COL8A1: variants seen among roughly 807,000 people sequenced by gnomAD.
COL8A1 encodes collagen type VIII alpha 1 chain.
In COL8A1, 21 loss-of-function variants were observed where a neutral mutation model predicts 42.7. The observed-to-expected ratio is 0.49, with a 90% CI of 0.35 to 0.71. The LOEUF (loss-of-function observed/expected upper bound fraction) is 0.71, where lower values mean the gene tolerates loss of function less well. Ranked by LOEUF, COL8A1 falls within the 30% of genes least tolerant of loss-of-function variation. COL8A1 has a pLI of 0.01. For missense variants in COL8A1, 788 were observed against 962.4 expected, an observed-to-expected ratio of 0.82 and a Z score of 2.40; for synonymous variants, 367 against 369.1, an observed-to-expected ratio of 0.99 and a Z score of 0.06.
At chr3:99,773,837 A>ATATTATATATATATATATATATATAT (rs1200212756) in intron 2 of COL8A1, among the ~76,000 whole-genome samples, 18 of 45,400 alleles carry the variant, frequency 4.0e-4, no homozygotes, top group East Asian at 7.4e-4. Context: ...ATATATATAT[A>ATATTATATATATATATATATATATAT]TTTTTTTTTT....
At chr3:99,774,920 G>T (rs982193266) in intron 2 of COL8A1, among the ~76,000 whole-genome samples, 1 of 152,232 alleles carries the variant, frequency 6.6e-6, no homozygotes, top group African/African-American at 2.4e-5. Flanking sequence ...TTGAACACTA[G>T]AATGATCTGG....
At chr3:99,749,178 G>GT (rs142112608) in intron 2 of COL8A1, among the ~76,000 whole-genome samples, 2,393 of 152,168 alleles carry the variant, frequency 0.016, 41 homozygotes, top group Non-Finnish European at 0.022. Flanking sequence ...AATATGTATA[G>GT]TAAAAAATAG....
In COL8A1 at chr3:99,773,837, A is replaced by ATATATATATATATATTTT. The variant is rs1200212756; in HGVS notation, c.-3-16842_-3-16841insATATATATATATATTTTT. Among the ~76,000 whole-genome samples the ATATATATATATATATTTT allele has an allele frequency of 9.5e-4, 43 of 45,400 alleles. 2 individuals are homozygous for ATATATATATATATATTTT. The highest frequency in any genetic ancestry group is 5.2e-3 in the African/African-American group (41 of 7,814). 29.8% of individuals were successfully genotyped at this position (45,400 alleles called of 152,430 possible). ...TGTGTATATATATATATATATATAT[A>ATATATATATATATATTTT]TTTTTTTTTTTTTTTTTTTTTTTTT... On this transcript the variant is annotated intron_variant, in intron 2 of 3. Transcript: ENST00000652472.
chr3:99,702,929 T>A (rs1409628684), intron 1 of COL8A1, among the ~76,000 whole-genome samples: 1 of 152,058 alleles, frequency 6.6e-6, no homozygotes, highest in Non-Finnish European at 1.5e-5. Context: ...GGGAGTGAGC[T>A]ATAAGGATTT....
At chr3:99,682,765 G>T (rs564062401) in intron 1 of COL8A1, among the ~76,000 whole-genome samples, 27 of 152,122 alleles carry the variant, frequency 1.8e-4, no homozygotes, top group Non-Finnish European at 3.2e-4. Flanking sequence ...AGTATCTGTT[G>T]AGCATGTACA....
intron 2 of COL8A1, among the ~76,000 whole-genome samples, chr3:99,786,681 A>G (rs1941902804): frequency 1.3e-5 from 2 of 152,188 alleles, no homozygotes; most frequent in South Asian, 4.1e-4. Flanking sequence ...TCTCCACACT[A>G]GACTGTGAGT....
At chr3:99,719,410 T>G (rs909366912) in intron 1 of COL8A1, among the ~76,000 whole-genome samples, 1 of 152,062 alleles carries the variant, frequency 6.6e-6, no homozygotes, top group Non-Finnish European at 1.5e-5. Context: ...GAAATTTCAT[T>G]TACTCCTCAC....
chr3:99,665,157 C>G (rs1490037417), intron 1 of COL8A1, among the ~76,000 whole-genome samples: 3 of 152,186 alleles, frequency 2.0e-5, no homozygotes, highest in Non-Finnish European at 4.4e-5. Flanking sequence ...GTGCCAGGCT[C>G]TCTCCTTCTT....
chr3:99,723,019 G>GTGTA (rs1328218974), intron 1 of COL8A1, among the ~76,000 whole-genome samples: 1 of 151,324 alleles, frequency 6.6e-6, no homozygotes, highest in Non-Finnish European at 1.5e-5. Context: ...GTGTGTGTGT[G>GTGTA]TGTGTGTGTG....
At chr3:99,775,504 G>A (rs929518500) in intron 2 of COL8A1, among the ~76,000 whole-genome samples, 9 of 152,116 alleles carry the variant, frequency 5.9e-5, no homozygotes, top group African/African-American at 2.2e-4. Context: ...TCCTTTCCTG[G>A]GAGGCCAGGC....
intron 1 of COL8A1, among the ~76,000 whole-genome samples, chr3:99,700,967 AC>A (rs1295734475): frequency 8.6e-5 from 13 of 152,004 alleles, no homozygotes; most frequent in African/African-American, 3.1e-4. Flanking sequence ...TCTCACTCTT[AC>A]CCCCGTAGCT....
rs114659746 is a variant in COL8A1 at position 99,795,506 on chromosome 3, C to T, written c.1605C>T (p.Pro535=). ...CTGGGTTCCCTGGTATAGGGAAACC[C>T]GGAGTGGCAGGACTTCATGGCCCCC... ...GPPGFPGIGK[P]GVAGLHGPPG... is the part of the protein sequence containing the mutation. The change falls in exon 4 of 4, where the codon CCC becomes CCT. Residue 535 remains proline (P), a synonymous_variant. Transcript: ENST00000652472. 4.8e-3 allele frequency: 7,682 copies of T among 1,588,242 alleles called. 22 individuals carry two copies. The highest frequency in any genetic ancestry group is 5.4e-3 in the Non-Finnish European group (6,323 of 1,167,224).
intron 1 of COL8A1, among the ~76,000 whole-genome samples, chr3:99,711,997 C>A (rs560521694): frequency 3.3e-5 from 5 of 152,066 alleles, no homozygotes; most frequent in Non-Finnish European, 7.4e-5. Flanking sequence ...AATACTTGAG[C>A]CTTTCAGGGT....
chr3:99,773,838 T>TATAATATATATA (rs57465016), intron 2 of COL8A1, among the ~76,000 whole-genome samples: 1 of 58,418 alleles, frequency 1.7e-5, no homozygotes, highest in African/African-American at 9.3e-5. Context: ...TATATATATA[T>TATAATATATATA]TTTTTTTTTT....
At chr3:99,705,277 T>A (rs574933513) in intron 1 of COL8A1, among the ~76,000 whole-genome samples, 1 of 152,228 alleles carries the variant, frequency 6.6e-6, no homozygotes, top group Non-Finnish European at 1.5e-5. Context: ...ATGGAGCCTC[T>A]GTTATGAATT....
At position 99,755,050 on chromosome 3, in the gene COL8A1, T is replaced by C. The variant is rs148218793; in HGVS notation, c.-4+10029T>C. Among the ~76,000 whole-genome samples, 8 of 152,318 alleles carry C rather than the reference T, an allele frequency of 5.3e-5. No homozygotes were observed. The East Asian group carries it at 1.5e-3, about 29-fold the overall frequency. ...GTAGATTTCTTGATGTCATTTCAAG[T>C]ATTTGCACATATTTAGTCACCAAAG... On this transcript the variant is annotated intron_variant, in intron 2 of 3. Transcript: ENST00000652472.
In COL8A1 at chr3:99,734,626, G is replaced by A. The variant is rs955031737; in HGVS notation, c.-128-10271G>A. Among the ~76,000 whole-genome samples, 542 of 152,044 alleles carry A rather than the reference G, an allele frequency of 3.6e-3. 5 individuals are homozygous for A. The highest frequency in any genetic ancestry group is 0.012 in the African/African-American group (506 of 41,476). ...TCTTTTGGCTTAGGATTGACTTGGC[G>A]ATGCGGGCTTTTTTTTGGTTCCATA... On this transcript the variant is annotated intron_variant, in intron 1 of 3. Coordinates refer to ENST00000652472, the MANE Select transcript of COL8A1 (RefSeq NM_020351.4).
chr3:99,734,060 C>T (rs1014315023), intron 1 of COL8A1, among the ~76,000 whole-genome samples: 44 of 152,102 alleles, frequency 2.9e-4, no homozygotes, highest in African/African-American at 5.5e-4. Flanking sequence ...CCCTTTGTCA[C>T]ATGAGTAGGT....
chr3:99,717,578 G>T (rs1378117370), intron 1 of COL8A1, among the ~76,000 whole-genome samples: 1 of 151,978 alleles, frequency 6.6e-6, no homozygotes, highest in Non-Finnish European at 1.5e-5. Flanking sequence ...AAATAAAATG[G>T]TCGAAACTTA....
Sources: allele counts gnomAD v4.1 joint callset (sites outside exome capture counted in the v4.1 genomes callset), GRCh38; gene constraint gnomAD v4.1.1; transcripts MANE v1.5; gene names NCBI Gene and HGNC (gene_info 2026-07-23, HGNC 2026-07-21).